RBMS3: variants seen among roughly 807,000 people sequenced by gnomAD.
The protein encoded by RBMS3 is RNA-binding motif, single-stranded-interacting protein 3.
RBMS3 carries 27 observed loss-of-function variants against 66.8 expected under a neutral mutation model. The observed-to-expected ratio is 0.40, with a 90% CI of 0.30 to 0.56. RBMS3 has a LOEUF of 0.56. Among genes scored for constraint, RBMS3 ranks in the 20% least tolerant of loss-of-function variants. RBMS3 has a pLI of 0.40. For synonymous variants in RBMS3, 188 were observed against 183.0 expected, an observed-to-expected ratio of 1.03 and a Z score of -0.22; for missense variants, 513 against 549.5, an observed-to-expected ratio of 0.93 and a Z score of 0.66.
In RBMS3 at chr3:29,610,907, C is replaced by T. The variant is rs150328978; in HGVS notation, c.399+23702C>T. On this transcript the variant is annotated intron_variant, in intron 4 of 14. Coordinates refer to ENST00000383767, the MANE Select transcript of RBMS3 (RefSeq NM_001003793.3). The stretch of plus-strand genomic sequence containing the variant: ...CATATTTTCTACCACAGATCCCTGA[C>T]CTTTCTGCCTTTCCTTAAGGGAAAA... 6.4e-4 allele frequency among the ~76,000 whole-genome samples: 98 copies of T among 152,100 alleles called. 1 individual carries two copies. Among genetic ancestry groups the T allele is most frequent in the African/African-American group, 2.3e-3 (96 of 41,510 alleles).
chr3:29,738,690 A>G (rs537344004), intron 4 of RBMS3, among the ~76,000 whole-genome samples: 26 of 152,326 alleles, frequency 1.7e-4, no homozygotes, highest in African/African-American at 5.8e-4. Flanking sequence ...TTGTCAAAAC[A>G]CAGATTTCTT....
chr3:29,808,689 CTT>C (rs1414440318), intron 6 of RBMS3, among the ~76,000 whole-genome samples: 1 of 151,908 alleles, frequency 6.6e-6, no homozygotes. Context: ...TGGTTAAACT[CTT>C]AAAACATTAC....
chr3:29,571,591 T>C lies in RBMS3; in HGVS notation c.308-15523T>C, dbSNP rs148046946. Among the ~76,000 whole-genome samples the C allele has an allele frequency of 3.9e-5, 6 of 152,246 alleles. No homozygotes were observed. In the East Asian group the frequency reaches 1.2e-3, roughly 29 times the overall value. On this transcript the variant is annotated intron_variant, in intron 3 of 14. Transcript: ENST00000383767. ...GAAAAATGAGTTCACTGTAGGTACG[T>C]AGATTTGCTTGTAGATTTTCTATTA...
chr3:29,554,476 T>A (rs2046279094), intron 3 of RBMS3, among the ~76,000 whole-genome samples: 1 of 152,184 alleles, frequency 6.6e-6, no homozygotes, highest in East Asian at 1.9e-4. Context: ...CCCTCAGAAG[T>A]ACTTATGAAT....
intron 2 of RBMS3, among the ~76,000 whole-genome samples, chr3:29,485,103 T>A (rs75309855): frequency 2.0e-5 from 3 of 152,116 alleles, no homozygotes; most frequent in Admixed American, 2.0e-4. Context: ...TCTTCAGCTT[T>A]GAAAATAAAA....
intron 1 of RBMS3, among the ~76,000 whole-genome samples, chr3:29,413,424 A>G (rs1174582144): frequency 7.1e-6 from 1 of 140,736 alleles, no homozygotes; most frequent in Non-Finnish European, 1.5e-5. Flanking sequence ...ATACATACAT[A>G]CACAGAGTTG....
chr3:29,353,784 A>G (rs2037059912), intron 1 of RBMS3, among the ~76,000 whole-genome samples: 2 of 151,044 alleles, frequency 1.3e-5, no homozygotes, highest in African/African-American at 2.4e-5. Context: ...ATGAGATCCA[A>G]TTATAAACCA....
intron 4 of RBMS3, among the ~76,000 whole-genome samples, chr3:29,654,778 T>C (rs75425162): frequency 1.4e-5 from 2 of 145,818 alleles, no homozygotes; most frequent in Non-Finnish European, 3.0e-5. Context: ...TTTTTTTTTT[T>C]GTAGAGACAG....
At chr3:29,711,709 C>A (rs1288351883) in intron 4 of RBMS3, among the ~76,000 whole-genome samples, 3 of 152,150 alleles carry the variant, frequency 2.0e-5, no homozygotes. Flanking sequence ...TGGCTCCATA[C>A]ACATGCTCTA....
intron 4 of RBMS3, among the ~76,000 whole-genome samples, chr3:29,624,402 C>T (rs1576384151): frequency 6.6e-6 from 1 of 151,992 alleles, no homozygotes; most frequent in Non-Finnish European, 1.5e-5. Flanking sequence ...AGTTAAAGGC[C>T]TTTGCTATTC....
intron 10 of RBMS3, among the ~76,000 whole-genome samples, chr3:29,931,985 C>G (rs778309920): frequency 2.0e-5 from 3 of 151,976 alleles, no homozygotes; most frequent in Non-Finnish European, 2.9e-5. Context: ...TTAGATAAGA[C>G]AGCAGAAAAA....
At chr3:29,358,398 G>T (rs2037356284) in intron 1 of RBMS3, among the ~76,000 whole-genome samples, 1 of 152,184 alleles carries the variant, frequency 6.6e-6, no homozygotes, top group Non-Finnish European at 1.5e-5. Context: ...CTGTTCCATT[G>T]GTCTGTATCT....
intron 4 of RBMS3, among the ~76,000 whole-genome samples, chr3:29,668,915 C>G (rs567390746): frequency 2.6e-5 from 4 of 152,280 alleles, no homozygotes; most frequent in African/African-American, 7.2e-5. Flanking sequence ...AAGGTTAGAT[C>G]CCTGCCTGTA....
rs540981545 is a variant in RBMS3, at chr3:29,977,726, A to G, written c.1099-10417A>G. Among the ~76,000 whole-genome samples the G allele has an allele frequency of 2.6e-5, 4 of 152,278 alleles. No individual in the cohort carries two copies. In the East Asian group the frequency reaches 5.8e-4, roughly 22 times the overall value. On this transcript the variant is annotated intron_variant, in intron 12 of 14. Transcript: ENST00000383767. ...AAATACATATATATTCATTAATGCT[A>G]TAAGTTCAAGCTGCTACTTATAGCA...
chr3:29,958,460 T>C (rs1255690575), intron 12 of RBMS3, among the ~76,000 whole-genome samples: 2 of 152,002 alleles, frequency 1.3e-5, no homozygotes, highest in African/African-American at 2.4e-5. Flanking sequence ...CCTTTAGCAT[T>C]CATGCAGAAA....
intron 4 of RBMS3, among the ~76,000 whole-genome samples, chr3:29,640,255 TACACACACACACAC>T (rs34719305): frequency 1.4e-5 from 2 of 140,072 alleles, no homozygotes; most frequent in African/African-American, 5.4e-5. Flanking sequence ...ACATTTTGGT[TACACACACACACAC>T]ACACACACAC....
At chr3:29,866,179 T>A (rs1047422577) in intron 6 of RBMS3, among the ~76,000 whole-genome samples, 1 of 151,700 alleles carries the variant, frequency 6.6e-6, no homozygotes, top group African/African-American at 2.4e-5. Context: ...TTAAGGGTGA[T>A]GGATATGTTC....
chr3:29,640,310 G>T (rs1397502011), intron 4 of RBMS3, among the ~76,000 whole-genome samples: 1 of 150,302 alleles, frequency 6.7e-6, no homozygotes, highest in Non-Finnish European at 1.5e-5. Context: ...AAGACGGAAA[G>T]AAAACAGCAA....
At chr3:29,911,329 TG>T (rs971061880) in intron 10 of RBMS3, among the ~76,000 whole-genome samples, 2 of 152,070 alleles carry the variant, frequency 1.3e-5, no homozygotes, top group African/African-American at 4.8e-5. Flanking sequence ...GGCTACCAGG[TG>T]CCTCTAACAC....
Sources: allele counts gnomAD v4.1 joint callset (sites outside exome capture counted in the v4.1 genomes callset), GRCh38; gene constraint gnomAD v4.1.1; transcripts MANE v1.5; gene names NCBI Gene and HGNC (gene_info 2026-07-23, HGNC 2026-07-21).